DUSP19: variants seen among roughly 807,000 people sequenced by gnomAD.
DUSP19 encodes dual specificity phosphatase 19, also known as dual specificity protein phosphatase 19.
Under a neutral mutation model 16.6 loss-of-function variants are expected in DUSP19, and 14 were observed. That is an observed-to-expected ratio of 0.84 (90% CI 0.56 to 1.32). The LOEUF is 1.32. DUSP19 is among the 40% of genes most tolerant of loss of function. The pLI, the probability that DUSP19 is intolerant of heterozygous loss-of-function variation, is 0.00. For missense variants in DUSP19, 258 were observed against 255.9 expected, an observed-to-expected ratio of 1.01 and a Z score of -0.06; for synonymous variants, 81 against 90.5, an observed-to-expected ratio of 0.90 and a Z score of 0.59.
chr2:183,086,724 G>C (rs1699667435), intron 2 of DUSP19, among the ~76,000 whole-genome samples: 1 of 151,608 alleles, frequency 6.6e-6, no homozygotes, highest in South Asian at 2.1e-4. Context: ...TTGGGAGGCT[G>C]AGGCAGGAGG....
At chr2:183,093,883 AATTT>A (rs1482572780) in intron 3 of DUSP19, among the ~76,000 whole-genome samples, 1 of 152,160 alleles carries the variant, frequency 6.6e-6, no homozygotes, top group African/African-American at 2.4e-5. Context: ...GTATCTAATT[AATTT>A]GTTTTATGCT....
intron 3 of DUSP19, among the ~76,000 whole-genome samples, chr2:183,091,261 A>G (rs924447962): frequency 1.3e-5 from 2 of 152,150 alleles, no homozygotes; most frequent in Non-Finnish European, 2.9e-5. Context: ...CTTCTGTTAC[A>G]AGTAGAGGGT....
In DUSP19 at chr2:183,099,619, T is replaced by A. The variant is rs1180970882; in HGVS notation, c.*3961T>A. The A allele has an allele frequency of 1.3e-5, 2 of 152,236 alleles. No homozygotes were observed. Among genetic ancestry groups the A allele is most frequent in the African/African-American group, 4.8e-5 (2 of 41,472 alleles). 9.4% of individuals were successfully genotyped at this position (152,236 alleles called of 1,614,324 possible). A position where few individuals can be genotyped will look rare whatever the true frequency, so the allele number is the denominator to read the frequency against. ...TTGATATACTTTAATAAAAATGATA[T>A]GTTTAATATTTTCCCATTAATATAT... On this transcript the variant is annotated 3_prime_UTR_variant, in exon 4 of 4. Transcript: ENST00000354221.
intron 1 of DUSP19, among the ~76,000 whole-genome samples, chr2:183,082,429 T>C (rs1315593534): frequency 7.0e-6 from 1 of 141,864 alleles, no homozygotes; most frequent in Non-Finnish European, 1.5e-5. Context: ...CTTTTTTTTT[T>C]TTTTTTTTTT....
rs1005812893 is a variant in DUSP19 at position 183,095,873 on chromosome 2, C to G, written c.*215C>G. ...TGTTATTATAATGTGTGATTAAATG[C>G]TTTTTTAAATTGCTAAGGGAAAATA... On this transcript the variant is annotated 3_prime_UTR_variant, in exon 4 of 4. Coordinates refer to ENST00000354221, the MANE Select transcript of DUSP19 (RefSeq NM_080876.4). The G allele has an allele frequency of 2.0e-5, 7 of 348,136 alleles. No homozygotes were observed. Among genetic ancestry groups the G allele is most frequent in the Non-Finnish European group, 3.1e-5 (6 of 193,528 alleles). 21.6% of individuals were successfully genotyped at this position (348,136 alleles called of 1,614,324 possible). A position where few individuals can be genotyped will look rare whatever the true frequency, so the allele number is the denominator to read the frequency against.
intron 3 of DUSP19, among the ~76,000 whole-genome samples, chr2:183,094,997 C>A (rs1699778914): frequency 6.6e-6 from 1 of 151,916 alleles, no homozygotes; most frequent in Non-Finnish European, 1.5e-5. Context: ...TTTATGTGTA[C>A]TTTACTGATA....
intron 3 of DUSP19, 62 bp downstream of exon 3, chr2:183,087,254 C>T: frequency 1.4e-6 from 2 of 1,412,916 alleles, no homozygotes; most frequent in African/African-American, 1.5e-5. Flanking sequence ...GGATCCATTA[C>T]CCAATCTTTA....
rs1303436576 is a variant in DUSP19, at chr2:183,096,771, T to C, written c.*1113T>C. Reference sequence around the variant, plus strand: ...ATTGTTTAGTGGTCTGTTTTCTACTTCAGTATTCTACCAGAGAACATATTT... The same window carrying C: ...ATTGTTTAGTGGTCTGTTTTCTACTCCAGTATTCTACCAGAGAACATATTT... On this transcript the variant is annotated 3_prime_UTR_variant, in exon 4 of 4. Transcript: ENST00000354221. 3 of 152,362 alleles carry C rather than the reference T, an allele frequency of 2.0e-5. No individual in the cohort carries two copies. The highest frequency in any genetic ancestry group is 1.5e-5 in the Non-Finnish European group (1 of 68,018). 9.4% of individuals were successfully genotyped at this position (152,362 alleles called of 1,614,324 possible). A position where few individuals can be genotyped will look rare whatever the true frequency, so the allele number is the denominator to read the frequency against.
intron 2 of DUSP19, among the ~76,000 whole-genome samples, chr2:183,086,617 G>T (rs1699665025): frequency 6.9e-6 from 1 of 145,228 alleles, no homozygotes; most frequent in South Asian, 2.2e-4. Flanking sequence ...GACCAGCCTG[G>T]GCAAAAAAAG....
chr2:183,091,654 T>C (rs1699733620), intron 3 of DUSP19, among the ~76,000 whole-genome samples: 1 of 152,186 alleles, frequency 6.6e-6, no homozygotes, highest in South Asian at 2.1e-4. Context: ...TAGGGTGAAG[T>C]TACAAAGTTA....
intron 2 of DUSP19, among the ~76,000 whole-genome samples, 158 bp from the exon 3 acceptor site, chr2:183,086,882 G>A (rs1699669711): frequency 6.6e-6 from 1 of 151,964 alleles, no homozygotes; most frequent in South Asian, 2.1e-4. Flanking sequence ...TATAGTAGAA[G>A]GAGCACTTCT....
At chr2:183,091,312 A>G (rs565260116) in intron 3 of DUSP19, among the ~76,000 whole-genome samples, 9 of 152,268 alleles carry the variant, frequency 5.9e-5, no homozygotes, top group African/African-American at 2.2e-4. Context: ...TTTTGAACAA[A>G]TAATTGGACA....
intron 3 of DUSP19, 86 bp downstream of exon 3, chr2:183,087,278 G>A: frequency 7.9e-7 from 1 of 1,273,622 alleles, no homozygotes; most frequent in South Asian, 1.6e-5. Context: ...TTTTTATAAT[G>A]AATCTCTAAA....
At chr2:183,089,642 G>A (rs1160628384) in intron 3 of DUSP19, among the ~76,000 whole-genome samples, 1 of 152,180 alleles carries the variant, frequency 6.6e-6, no homozygotes, top group African/African-American at 2.4e-5. Flanking sequence ...CCATGGAGGT[G>A]GTAGCCGAGG....
At chr2:183,080,212 G>A (rs1699574992) in intron 1 of DUSP19, among the ~76,000 whole-genome samples, 1 of 152,142 alleles carries the variant, frequency 6.6e-6, no homozygotes, top group South Asian at 2.1e-4. Context: ...AGATTAGCTG[G>A]TGCAAGCCAT....
intron 3 of DUSP19, among the ~76,000 whole-genome samples, chr2:183,089,898 C>T (rs1699711034): frequency 6.6e-6 from 1 of 152,146 alleles, no homozygotes; most frequent in South Asian, 2.1e-4. Flanking sequence ...TTCAGCCTTC[C>T]TAGTAGCTGG....
intron 2 of DUSP19, among the ~76,000 whole-genome samples, chr2:183,084,914 T>C (rs1471804046): frequency 6.6e-6 from 1 of 152,160 alleles, no homozygotes; most frequent in Non-Finnish European, 1.5e-5. Context: ...TGATTACTTA[T>C]GAGGCAGGAT....
At position 183,096,770 on chromosome 2, in the gene DUSP19, T is replaced by C. The variant is rs1200767702; in HGVS notation, c.*1112T>C. The C allele has an allele frequency of 6.6e-6, 1 of 152,370 alleles. No homozygotes were observed. The highest frequency in any genetic ancestry group is 1.9e-4 in the East Asian group (1 of 5,192). The allele number at this position is 152,370 out of a possible 1,614,324, so 9.4% of individuals were successfully genotyped here. A position where few individuals can be genotyped will look rare whatever the true frequency, so the allele number is the denominator to read the frequency against. On this transcript the variant is annotated 3_prime_UTR_variant, in exon 4 of 4. Transcript: ENST00000354221. ...CATTGTTTAGTGGTCTGTTTTCTACTTCAGTATTCTACCAGAGAACATATT... is the reference window on the plus strand; with the variant it reads ...CATTGTTTAGTGGTCTGTTTTCTACCTCAGTATTCTACCAGAGAACATATT...
intron 3 of DUSP19, among the ~76,000 whole-genome samples, 195 bp from the exon 4 acceptor site, chr2:183,095,232 AGGTT>A (rs1212639540): frequency 1.9e-4 from 29 of 152,224 alleles, no homozygotes; most frequent in Non-Finnish European, 2.2e-4. Context: ...AGGGAGGTAC[AGGTT>A]GATTGATTGA....
Sources: allele counts gnomAD v4.1 joint callset (sites outside exome capture counted in the v4.1 genomes callset), GRCh38; gene constraint gnomAD v4.1.1; transcripts MANE v1.5; gene names NCBI Gene and HGNC (gene_info 2026-07-23, HGNC 2026-07-21).